Variants in FOXP1 observed in about 807,000 individuals in gnomAD.
FOXP1 encodes the protein forkhead box protein P1.
In FOXP1, 15 loss-of-function variants were observed where a neutral mutation model predicts 98.2. The observed-to-expected ratio is 0.15, with a 90% CI of 0.10 to 0.24. The LOEUF (loss-of-function observed/expected upper bound fraction) is 0.24. Among genes scored for constraint, FOXP1 ranks in the 10% least tolerant of loss-of-function variants. The pLI is 1.00. For missense variants in FOXP1, 633 were observed against 848.5 expected (o/e 0.75, Z 3.15); for synonymous variants, 371 against 314.5 (o/e 1.18, Z -1.90).
At position 71,240,316 on chromosome 3, in the gene FOXP1, T is replaced by C. The variant is rs148116976; in HGVS notation, c.-11-41924A>G. On this transcript the variant is annotated intron_variant, in intron 5 of 20. Transcript: ENST00000649528. ...TGCTCTTTGCATTCTTTGGTTTGAA[T>C]GGAAGGGCAGTGTACTGGCCAAAGG... Among the ~76,000 whole-genome samples the C allele has an allele frequency of 2.2e-3, 336 of 152,330 alleles. 2 individuals are homozygous for C. The highest frequency in any genetic ancestry group is 7.8e-3 in the African/African-American group (324 of 41,588).
At chr3:71,155,095 G>C (rs1331584157) in intron 6 of FOXP1, among the ~76,000 whole-genome samples, 1 of 152,144 alleles carries the variant, frequency 6.6e-6, no homozygotes, top group Admixed American at 6.5e-5. Context: ...GATGCTGAGA[G>C]GCAAGCCACA....
At chr3:71,053,284 G>A (rs1343264753) in intron 8 of FOXP1, among the ~76,000 whole-genome samples, 1 of 152,170 alleles carries the variant, frequency 6.6e-6, no homozygotes, top group East Asian at 1.9e-4. Context: ...ATCAAGAGCT[G>A]TCATATTTAA....
intron 2 of FOXP1, among the ~76,000 whole-genome samples, chr3:71,564,560 G>C (rs2046770720): frequency 6.6e-6 from 1 of 152,232 alleles, no homozygotes; most frequent in South Asian, 2.1e-4. Context: ...GGCCGACCTT[G>C]AGTCGCTGCC....
At chr3:71,481,167 C>G (rs1391664387) in intron 3 of FOXP1, among the ~76,000 whole-genome samples, 1 of 152,238 alleles carries the variant, frequency 6.6e-6, no homozygotes. Context: ...TTGGGGCTAA[C>G]AGCTGGCTGT....
intron 5 of FOXP1, among the ~76,000 whole-genome samples, chr3:71,221,791 T>C (rs1309408813): frequency 2.0e-5 from 3 of 152,192 alleles, no homozygotes; most frequent in Non-Finnish European, 4.4e-5. Context: ...ACCTCTTACT[T>C]ACAACTCTGC....
At chr3:71,313,896 T>A (rs1299792475) in intron 4 of FOXP1, among the ~76,000 whole-genome samples, 2 of 152,180 alleles carry the variant, frequency 1.3e-5, no homozygotes, top group Non-Finnish European at 2.9e-5. Flanking sequence ...TATAGTACTA[T>A]ACAGTATACT....
At chr3:71,561,480 T>A (rs1388733990) in intron 2 of FOXP1, among the ~76,000 whole-genome samples, 2 of 151,042 alleles carry the variant, frequency 1.3e-5, no homozygotes, top group East Asian at 3.9e-4. Context: ...CCCGTTGTGA[T>A]TACAGTATTT....
At chr3:71,172,287 G>A (rs2061690327) in intron 6 of FOXP1, among the ~76,000 whole-genome samples, 1 of 152,164 alleles carries the variant, frequency 6.6e-6, no homozygotes, top group Non-Finnish European at 1.5e-5. Flanking sequence ...GCTTTTTAAT[G>A]CCCTGTTGGT....
chr3:71,317,728 TC>T (rs938887162), intron 4 of FOXP1, among the ~76,000 whole-genome samples: 5 of 151,464 alleles, frequency 3.3e-5, no homozygotes, highest in East Asian at 3.9e-4. Flanking sequence ...TTGGTACCTG[TC>T]CCCCCCACAC....
intron 3 of FOXP1, among the ~76,000 whole-genome samples, chr3:71,367,642 C>T (rs564564166): frequency 1.3e-5 from 2 of 152,062 alleles, no homozygotes; most frequent in African/African-American, 2.4e-5. Context: ...AAAACAACAA[C>T]AAAAAACAGT....
intron 7 of FOXP1, among the ~76,000 whole-genome samples, chr3:71,054,014 C>T (rs2050272132): frequency 6.6e-6 from 1 of 152,158 alleles, no homozygotes; most frequent in Non-Finnish European, 1.5e-5. Context: ...TGCAAGCACA[C>T]AAAAAGGACA....
rs1268838588 is a variant in FOXP1, at chr3:71,097,529, T to G, written c.282+15007A>C. Among the ~76,000 whole-genome samples, 3 of 152,176 alleles carry G rather than the reference T, an allele frequency of 2.0e-5. No individual in the cohort carries two copies. The East Asian group carries it at 5.8e-4, about 29-fold the overall frequency. On this transcript the variant is annotated intron_variant, in intron 7 of 20. Coordinates refer to ENST00000649528, the MANE Select transcript of FOXP1 (RefSeq NM_001349338.3). ...TCCTTTTGCAGATATCATAAAAAGT[T>G]CCAAGCAAACATGGCAGGTGAAATA...
chr3:70,988,147 C>A, intron 13 of FOXP1, 70 bp from the exon 14 acceptor site: 1 of 1,324,624 alleles, frequency 7.5e-7, no homozygotes, highest in Non-Finnish European at 1.1e-6. Context: ...AAAAATGATA[C>A]ATATTACAAA....
At chr3:71,290,438 TC>T (rs2072621083) in intron 5 of FOXP1, among the ~76,000 whole-genome samples, 2 of 152,176 alleles carry the variant, frequency 1.3e-5, no homozygotes, top group Admixed American at 1.3e-4. Flanking sequence ...TCTCAGCACC[TC>T]CCCTGCCATT....
intron 2 of FOXP1, among the ~76,000 whole-genome samples, chr3:71,537,314 A>C (rs1005593394): frequency 8.5e-5 from 13 of 152,212 alleles, no homozygotes; most frequent in Admixed American, 7.2e-4. Context: ...AGAAGGAGTG[A>C]GTCACGAGGA....
At chr3:71,143,956 C>T (rs2060188609) in intron 6 of FOXP1, among the ~76,000 whole-genome samples, 1 of 151,976 alleles carries the variant, frequency 6.6e-6, no homozygotes, top group African/African-American at 2.4e-5. Flanking sequence ...TTTCACGTCG[C>T]ACTATAAAAC....
chr3:71,429,481 G>T lies in FOXP1; in HGVS notation c.-168+63945C>A, dbSNP rs1188026202. Among the ~76,000 whole-genome samples the T allele has an allele frequency of 1.8e-4, 25 of 138,022 alleles. 1 individual carries two copies. Among genetic ancestry groups the T allele is most frequent in the Middle Eastern group, 7.2e-3 (2 of 278 alleles). 90.5% of individuals were successfully genotyped at this position (138,022 alleles called of 152,430 possible). ...TGTGTGCTGCTCGTGAGAACTTGGG[G>T]GTGGGGGGGCGGGAGGGGGGGTACT... On this transcript the variant is annotated intron_variant, in intron 3 of 20. Transcript: ENST00000649528.
intron 7 of FOXP1, among the ~76,000 whole-genome samples, chr3:71,084,704 C>T (rs2054832023): frequency 1.3e-5 from 2 of 152,150 alleles, no homozygotes; most frequent in Admixed American, 1.3e-4. Flanking sequence ...TTTTCAAAGT[C>T]TTTGCTTTCT....
intron 6 of FOXP1, among the ~76,000 whole-genome samples, chr3:71,190,833 T>C (rs772113978): frequency 1.3e-5 from 2 of 152,098 alleles, no homozygotes; most frequent in African/African-American, 4.8e-5. Flanking sequence ...GCTCTATTTT[T>C]ATGAATCAAA....
Sources: gnomAD v4.1 joint callset for allele counts (sites outside exome capture counted in the v4.1 genomes callset) on GRCh38, gnomAD v4.1.1 for gene constraint, MANE v1.5 for transcripts, NCBI Gene and HGNC (gene_info 2026-07-23, HGNC 2026-07-21) for gene names.